The following PADI4 variants were observed in gnomAD, a reference collection of about 807,000 sequenced individuals.
PADI4 encodes the protein peptidyl arginine deiminase 4.
Under a neutral mutation model 75.0 loss-of-function variants are expected in PADI4, and 62 were observed. That is an observed-to-expected ratio of 0.83 (90% CI 0.67 to 1.02). PADI4 has a LOEUF of 1.02. PADI4 is among the 50% of genes least tolerant of loss of function. The pLI, the probability that PADI4 is intolerant of heterozygous loss-of-function variation, is 0.00. For missense variants in PADI4, 845 were observed against 850.5 expected (o/e 0.99, Z 0.08); for synonymous variants, 361 against 348.1 (o/e 1.04, Z -0.41).
intron 1 of PADI4, among the ~76,000 whole-genome samples, chr1:17,327,018 T>C (rs2100691953): frequency 6.6e-6 from 1 of 151,768 alleles, no homozygotes; most frequent in East Asian, 1.9e-4. Flanking sequence ...TCAAGTGATC[T>C]TCCCACCTCT....
intron 15 of PADI4, among the ~76,000 whole-genome samples, chr1:17,360,017 C>T (rs181001625): frequency 5.9e-5 from 9 of 152,192 alleles, no homozygotes; most frequent in East Asian, 1.9e-4. Context: ...AGGCCGGGTG[C>T]GGTGGCTCAC....
intron 10 of PADI4, among the ~76,000 whole-genome samples, chr1:17,353,191 C>T (rs1462002446): frequency 1.3e-5 from 2 of 152,048 alleles, no homozygotes. Flanking sequence ...AGGCCAGGCG[C>T]AGTAGCTCAC....
intron 1 of PADI4, among the ~76,000 whole-genome samples, chr1:17,329,551 C>T (rs1029020841): frequency 3.2e-4 from 49 of 151,994 alleles, no homozygotes; most frequent in Admixed American, 1.3e-4. Context: ...GGAAGTGGAT[C>T]ATCATAAGGG....
At chr1:17,337,251 T>C (rs567900099) in intron 4 of PADI4, among the ~76,000 whole-genome samples, 1 of 152,326 alleles carries the variant, frequency 6.6e-6, no homozygotes, top group South Asian at 2.1e-4. Flanking sequence ...GTTCAAGTGA[T>C]TCTCCTACCT....
chr1:17,337,921 T>TAATA (rs1238372123), intron 4 of PADI4, 117 bp from the exon 5 acceptor site: 2 of 434,852 alleles, frequency 4.6e-6, no homozygotes, highest in Admixed American at 3.9e-5. Context: ...CTCAAAAAAA[T>TAATA]AATAAATAAA....
chr1:17,354,484 CCAGGGACCTCA>C, intron 10 of PADI4, 38 bp from the exon 11 acceptor site: 2 of 1,582,710 alleles, frequency 1.3e-6, no homozygotes. Context: ...CGACCCTTCA[CCAGGGACCTCA>C]TTCCTCTAAC....
At chr1:17,348,354 A>T in intron 10 of PADI4, 1 of 240,928 alleles carries the variant, frequency 4.2e-6, no homozygotes, top group Non-Finnish European at 8.0e-6. Context: ...TCTTGCTGCA[A>T]GGTGGAGGTG....
At chr1:17,355,236 G>A (rs1016003425) in intron 11 of PADI4, among the ~76,000 whole-genome samples, 1 of 152,340 alleles carries the variant, frequency 6.6e-6, no homozygotes, top group Middle Eastern at 3.4e-3. Context: ...CTGCGTGCAA[G>A]GCCAGGATGG....
chr1:17,315,292 T>G (rs536949183), intron 1 of PADI4, among the ~76,000 whole-genome samples: 5 of 152,144 alleles, frequency 3.3e-5, no homozygotes, highest in Admixed American at 1.3e-4. Context: ...AAGGAATGAG[T>G]GTGTGTTTTA....
intron 13 of PADI4, among the ~76,000 whole-genome samples, chr1:17,357,942 A>AC (rs2074788474): frequency 8.7e-5 from 1 of 11,542 alleles, no homozygotes; most frequent in African/African-American, 1.3e-3. Flanking sequence ...AAAAAAAAAA[A>AC]AAAAACAAGA....
chr1:17,349,181 C>G (rs569707778), intron 10 of PADI4, among the ~76,000 whole-genome samples: 3 of 152,196 alleles, frequency 2.0e-5, no homozygotes, highest in Non-Finnish European at 2.9e-5. Context: ...CAGCTGCTAC[C>G]GTGACTTTGC....
chr1:17,348,266 G>T, intron 10 of PADI4: 2 of 422,692 alleles, frequency 4.7e-6, no homozygotes, highest in South Asian at 4.0e-5. Flanking sequence ...CTTGTCACCC[G>T]TGAGCTCAGC....
rs1203093596 is a variant in PADI4, at chr1:17,324,448, T to C, written c.93-6521T>C. ...ATTGTGCTTGTCTTTTTACTTTATA[T>C]TGTCTTTTGATTAACAGAATTTATT... On this transcript the variant is annotated intron_variant, in intron 1 of 15. Coordinates refer to ENST00000375448, the MANE Select transcript of PADI4 (RefSeq NM_012387.3). Among the ~76,000 whole-genome samples, 12 of 152,276 alleles carry C rather than the reference T, an allele frequency of 7.9e-5. No individual in the cohort carries two copies. The South Asian group carries it at 2.1e-3, about 26-fold the overall frequency.
At position 17,346,582 on chromosome 1, in the gene PADI4, C is replaced by CCCTGGGGCCAG. The variant is rs2074520075; in HGVS notation, c.1047+448_1047+458dup. ...CCCTCTCAGCCTGCCTGGTTCCCTT[C>CCCTGGGGCCAG]CCTGGGGCCAGCCTGCCACTGTGCC... On this transcript the variant is annotated intron_variant, in intron 9 of 15. Transcript: ENST00000375448. The surrounding 1 kb of genome is among the most constrained non-coding windows in gnomAD (Gnocchi z 4.3). Among the ~76,000 whole-genome samples the CCCTGGGGCCAG allele has an allele frequency of 6.6e-6, 1 of 152,128 alleles. No individual in the cohort carries two copies. Among genetic ancestry groups the CCCTGGGGCCAG allele is most frequent in the Non-Finnish European group, 1.5e-5 (1 of 68,020 alleles).
rs1238305168 is a variant in PADI4 at position 17,330,975 on chromosome 1, C to T, written c.99C>T (p.Ala33=). Reference sequence around the variant, plus strand: ...CCATGTGTCTTGTCCACAGCTCTGCCCCTGAGGACTGCACGTCCTTCAGCA... The same window carrying T: ...CCATGTGTCTTGTCCACAGCTCTGCTCCTGAGGACTGCACGTCCTTCAGCA... ...TLTQLDICSS[A]PEDCTSFSIN... is the part of the protein sequence containing the mutation. The change falls in exon 2 of 16, where the codon GCC becomes GCT. Residue 33 remains alanine (A), a synonymous_variant. Coordinates refer to ENST00000375448, the MANE Select transcript of PADI4 (RefSeq NM_012387.3). 63 of 1,570,320 alleles carry T rather than the reference C, an allele frequency of 4.0e-5. No homozygotes were observed. The highest frequency in any genetic ancestry group is 5.2e-5 in the Non-Finnish European group (61 of 1,162,322).
intron 14 of PADI4, 39 bp from the exon 15 acceptor site, chr1:17,359,241 C>CCAAA: frequency 3.6e-6 from 4 of 1,108,176 alleles, no homozygotes; most frequent in Non-Finnish European, 5.2e-6. Flanking sequence ...CCCCGACTGC[C>CCAAA]ATCAGTCCCC....
intron 15 of PADI4, among the ~76,000 whole-genome samples, chr1:17,362,351 CAAAAA>C (rs34897407): frequency 4.7e-5 from 5 of 107,366 alleles, no homozygotes; most frequent in African/African-American, 7.3e-5. Context: ...GACCCTGTCT[CAAAAA>C]AAAAAAAAAA....
chr1:17,332,162 TC>T (rs2074225366), intron 2 of PADI4, among the ~76,000 whole-genome samples: 1 of 152,140 alleles, frequency 6.6e-6, no homozygotes, highest in Admixed American at 6.5e-5. Context: ...CTCTGTGGAA[TC>T]CCCCTCTGCC....
At chr1:17,343,254 G>T (rs975946956) in intron 8 of PADI4, among the ~76,000 whole-genome samples, 5 of 152,088 alleles carry the variant, frequency 3.3e-5, no homozygotes, top group African/African-American at 1.2e-4. Flanking sequence ...TAAATAAAAT[G>T]CACCTTTCTG....
Sources: gnomAD v4.1 joint callset for allele counts (sites outside exome capture counted in the v4.1 genomes callset) on GRCh38, gnomAD v4.1.1 for gene constraint, Gnocchi (gnomAD v3.1) non-coding constraint, MANE v1.5 for transcripts, NCBI Gene and HGNC (gene_info 2026-07-23, HGNC 2026-07-21) for gene names.